The following EPHA3 variants were observed in gnomAD, a reference collection of about 807,000 sequenced individuals.
EPHA3 encodes ephrin type-A receptor 3.
A neutral mutation model predicts 107.1 loss-of-function variants in EPHA3; 42 were observed. The ratio of observed to expected loss-of-function variants is 0.39; its 90% confidence interval spans 0.31 to 0.51. EPHA3 has a LOEUF of 0.51. EPHA3 is among the 20% of genes least tolerant of loss of function. The pLI is 0.78. For missense variants in EPHA3, 1,183 were observed against 1,211.2 expected, an observed-to-expected ratio of 0.98 and a Z score of 0.35; for synonymous variants, 461 against 424.8, an observed-to-expected ratio of 1.09 and a Z score of -1.05.
chr3:89,224,755 A>C (rs1482343542), intron 3 of EPHA3, among the ~76,000 whole-genome samples: 1 of 152,052 alleles, frequency 6.6e-6, no homozygotes. Context: ...AGGCTGAGGC[A>C]GGAAAATTGC....
chr3:89,208,464 AAGAAAGAAAGAAAG>A (rs1559600894), intron 2 of EPHA3, among the ~76,000 whole-genome samples: 3 of 146,486 alleles, frequency 2.0e-5, no homozygotes, highest in African/African-American at 7.7e-5. Flanking sequence ...GAAAGAAAGA[AAGAAAGAAAGAAAG>A]AAAGAGAAAA....
chr3:89,188,476 A>G (rs932685667), intron 2 of EPHA3, among the ~76,000 whole-genome samples: 6 of 152,096 alleles, frequency 3.9e-5, no homozygotes, highest in Non-Finnish European at 8.8e-5. Context: ...TCTTTCCTAG[A>G]TTCTCCCAAA....
intron 5 of EPHA3, among the ~76,000 whole-genome samples, chr3:89,371,983 T>C (rs575273302): frequency 1.3e-5 from 2 of 151,128 alleles, no homozygotes; most frequent in Admixed American, 1.3e-4. Context: ...GCCTAGGGAG[T>C]TATCTAAAAG....
At chr3:89,472,818 T>A (rs1710434944) in intron 16 of EPHA3, among the ~76,000 whole-genome samples, 199 bp downstream of exon 16, 1 of 152,154 alleles carries the variant, frequency 6.6e-6, no homozygotes, top group Non-Finnish European at 1.5e-5. Flanking sequence ...TACATATTGA[T>A]GTGTCTTCCT....
At chr3:89,130,429 C>G (rs552331132) in intron 2 of EPHA3, among the ~76,000 whole-genome samples, 1 of 152,080 alleles carries the variant, frequency 6.6e-6, no homozygotes, top group Non-Finnish European at 1.5e-5. Context: ...TCATTTCAAA[C>G]TTGAATCTTT....
chr3:89,203,164 C>A (rs187118292), intron 2 of EPHA3, among the ~76,000 whole-genome samples: 1 of 151,900 alleles, frequency 6.6e-6, no homozygotes, highest in Non-Finnish European at 1.5e-5. Context: ...CGTTAAAAGT[C>A]CAGTTGGCCA....
Position 89,377,517 on chromosome 3 carries a change from T to C in EPHA3, c.1307-18320T>C, listed in dbSNP as rs143394556. On this transcript the variant is annotated intron_variant, in intron 5 of 16. Coordinates refer to ENST00000336596, the MANE Select transcript of EPHA3 (RefSeq NM_005233.6). ...GAAGGTAAGGTATAACATAGATTCA[T>C]AGATGCATGTATGAAAACCAACTGT... Among the ~76,000 whole-genome samples the C allele has an allele frequency of 4.9e-4, 74 of 152,222 alleles. No individual in the cohort carries two copies. In the East Asian group the frequency reaches 9.1e-3, roughly 19 times the overall value.
chr3:89,315,116 T>C (rs2107368118), intron 3 of EPHA3, among the ~76,000 whole-genome samples: 1 of 152,004 alleles, frequency 6.6e-6, no homozygotes, highest in East Asian at 1.9e-4. Flanking sequence ...TCCACTGTCA[T>C]GCACGCTGTC....
intron 10 of EPHA3, among the ~76,000 whole-genome samples, chr3:89,413,850 C>A (rs936070160): frequency 5.3e-5 from 8 of 151,548 alleles, no homozygotes; most frequent in Admixed American, 2.0e-4. Context: ...AATTTGTTAA[C>A]AATCACCTAT....
intron 6 of EPHA3, 117 bp from the exon 7 acceptor site, chr3:89,399,201 C>A: frequency 2.1e-6 from 2 of 934,676 alleles, no homozygotes; most frequent in Non-Finnish European, 3.1e-6. Context: ...TTTTTAAATC[C>A]ATCCTATGAT....
intron 1 of EPHA3, among the ~76,000 whole-genome samples, chr3:89,111,969 A>C (rs1707120400): frequency 6.6e-6 from 1 of 151,972 alleles, no homozygotes; most frequent in African/African-American, 2.4e-5. Context: ...AATATTTTTA[A>C]TTTTATATTT....
intron 2 of EPHA3, among the ~76,000 whole-genome samples, chr3:89,152,944 A>G (rs1021576895): frequency 6.6e-6 from 1 of 152,108 alleles, no homozygotes; most frequent in African/African-American, 2.4e-5. Context: ...AAACTGTCTA[A>G]TTATTTTTTG....
intron 15 of EPHA3, among the ~76,000 whole-genome samples, chr3:89,455,435 G>T (rs1255171246): frequency 1.3e-5 from 2 of 152,202 alleles, no homozygotes; most frequent in Non-Finnish European, 2.9e-5. Context: ...AGTCTGTCAT[G>T]AACCTAAGGA....
chr3:89,209,934 C>G lies in EPHA3; in HGVS notation c.228C>G (p.His76Gln). ...RTYQVCNVMD[H>Q]SQNNWLRTNW... ...ACCAGGTGTGCAATGTCATGGACCA[C>G]AGTCAAAACAATTGGCTGAGAACAA... The change falls in exon 3 of 17, where the codon CAC becomes CAG. Residue 76 changes from histidine (H) to glutamine (Q), a missense_variant. His to Gln is a conservative substitution (Grantham distance 24). Coordinates refer to ENST00000336596, the MANE Select transcript of EPHA3 (RefSeq NM_005233.6). 6.2e-7 allele frequency: 1 copy of G among 1,613,828 alleles called. No homozygotes were observed. Among genetic ancestry groups the G allele is most frequent in the Non-Finnish European group, 8.5e-7 (1 of 1,179,880 alleles).
intron 5 of EPHA3, among the ~76,000 whole-genome samples, chr3:89,365,383 G>T (rs144869983): frequency 1.3e-5 from 2 of 150,558 alleles, no homozygotes; most frequent in African/African-American, 2.4e-5. Context: ...TTGTTAGTCC[G>T]CTGGAGTGGA....
rs1430612234 is a variant in EPHA3, at chr3:89,466,755, G to A, written c.2691-5709G>A. 5.1e-5 allele frequency among the ~76,000 whole-genome samples: 7 copies of A among 136,810 alleles called. 1 individual carries two copies. Among genetic ancestry groups the A allele is most frequent in the South Asian group, 2.2e-4 (1 of 4,564 alleles). The allele number at this position is 136,810 out of a possible 152,430, so 89.8% of individuals were successfully genotyped here. On this transcript the variant is annotated intron_variant, in intron 15 of 16. Transcript: ENST00000336596. ...TGGCACTCCCTAGTGAGATGAACCC[G>A]GTACCTCAGATGGAAATGCAGAAAT...
intron 1 of EPHA3, among the ~76,000 whole-genome samples, chr3:89,112,522 AT>A (rs1014952244): frequency 8.5e-5 from 13 of 152,082 alleles, no homozygotes; most frequent in Admixed American, 3.3e-4. Context: ...AGAAATTTAA[AT>A]TTTTTTCGGA....
At chr3:89,275,054 G>A (rs73135461) in intron 3 of EPHA3, among the ~76,000 whole-genome samples, 1 of 152,086 alleles carries the variant, frequency 6.6e-6, no homozygotes, top group Non-Finnish European at 1.5e-5. Flanking sequence ...GCTTTGAGTG[G>A]TTGTGACTTG....
chr3:89,308,968 G>A (rs1706698304), intron 3 of EPHA3, among the ~76,000 whole-genome samples: 1 of 152,096 alleles, frequency 6.6e-6, no homozygotes, highest in Non-Finnish European at 1.5e-5. Context: ...CATCTGGGAG[G>A]CAAACAGAGG....
Sources: gnomAD v4.1 joint callset for allele counts (sites outside exome capture counted in the v4.1 genomes callset) on GRCh38, gnomAD v4.1.1 for gene constraint, MANE v1.5 for transcripts, NCBI Gene and HGNC (gene_info 2026-07-23, HGNC 2026-07-21) for gene names.